FHOD3: variants seen among roughly 807,000 people sequenced by gnomAD.
FHOD3 encodes the protein formin homology 2 domain containing 3, also known as FH1/FH2 domain-containing protein 3.
FHOD3 carries 90 observed loss-of-function variants against 173.0 expected under a neutral mutation model. That is an observed-to-expected ratio of 0.52 (90% CI 0.44 to 0.62). The LOEUF (loss-of-function observed/expected upper bound fraction) is 0.62. Among genes scored for constraint, FHOD3 ranks in the 20% least tolerant of loss-of-function variants. FHOD3 has a pLI of 0.00. For missense variants in FHOD3, 1,945 were observed against 2,034.7 expected (o/e 0.96, Z 0.85); for synonymous variants, 828 against 823.0 (o/e 1.01, Z -0.10).
chr18:36,568,700 A>C (rs1353005598), intron 5 of FHOD3, among the ~76,000 whole-genome samples: 1 of 152,182 alleles, frequency 6.6e-6, no homozygotes, highest in East Asian at 1.9e-4. Flanking sequence ...TGTGACTCAA[A>C]CTGAACCAGG....
chr18:36,380,164 A>G (rs1447630944), intron 3 of FHOD3, among the ~76,000 whole-genome samples: 3 of 152,238 alleles, frequency 2.0e-5, no homozygotes, highest in African/African-American at 4.8e-5. Flanking sequence ...GAGAATTGTT[A>G]CAAGTGCTGT....
rs141911585 is a variant in FHOD3, at chr18:36,689,327, CCCA to C, written c.2021+2151_2021+2153del. 1.9e-3 allele frequency among the ~76,000 whole-genome samples: 291 copies of C among 152,264 alleles called. 2 individuals carry two copies. Among genetic ancestry groups the C allele is most frequent in the South Asian group, 6.6e-3 (32 of 4,824 alleles). ...ATAGAGCAATGTGTGTTTGTCAAGT[CCCA>C]CATCTCTTACCCTTAATGCAAGACT... On this transcript the variant is annotated intron_variant, in intron 16 of 28. Coordinates refer to ENST00000590592, the MANE Select transcript of FHOD3 (RefSeq NM_001281740.3).
chr18:36,752,177 T>C (rs914133402), intron 24 of FHOD3, among the ~76,000 whole-genome samples: 2 of 152,158 alleles, frequency 1.3e-5, no homozygotes, highest in African/African-American at 2.4e-5. Context: ...TATGATTCAA[T>C]TGTTTCCACC....
intron 3 of FHOD3, among the ~76,000 whole-genome samples, chr18:36,403,192 C>G (rs1393950279): frequency 6.6e-6 from 1 of 152,164 alleles, no homozygotes; most frequent in Non-Finnish European, 1.5e-5. Flanking sequence ...TCTCCTTCCT[C>G]TCTCCCCTAG....
At chr18:36,727,581 A>G (rs2041141439) in intron 19 of FHOD3, among the ~76,000 whole-genome samples, 1 of 152,194 alleles carries the variant, frequency 6.6e-6, no homozygotes, top group Non-Finnish European at 1.5e-5. Context: ...AATGTGCAGA[A>G]TCCTCTGTGG....
At chr18:36,323,726 C>T (rs1195472095) in intron 1 of FHOD3, among the ~76,000 whole-genome samples, 1 of 152,222 alleles carries the variant, frequency 6.6e-6, no homozygotes, top group East Asian at 1.9e-4. Flanking sequence ...ACCTCTTCTC[C>T]CCAGGCTTCA....
chr18:36,330,755 C>G (rs1217144682), intron 1 of FHOD3, among the ~76,000 whole-genome samples: 1 of 152,118 alleles, frequency 6.6e-6, no homozygotes, highest in Non-Finnish European at 1.5e-5. Context: ...CGGTCTTTTC[C>G]CAGGAGGAAG....
intron 2 of FHOD3, among the ~76,000 whole-genome samples, chr18:36,370,824 C>T (rs2047147423): frequency 1.3e-5 from 2 of 152,220 alleles, no homozygotes; most frequent in South Asian, 4.1e-4. Context: ...GGCAGGGGTT[C>T]ACTGATTTTC....
At chr18:36,337,263 A>G (rs1251398984) in intron 1 of FHOD3, among the ~76,000 whole-genome samples, 1 of 152,126 alleles carries the variant, frequency 6.6e-6, no homozygotes, top group Non-Finnish European at 1.5e-5. Flanking sequence ...CAGAGTCTGT[A>G]CTGACCATTT....
intron 16 of FHOD3, among the ~76,000 whole-genome samples, chr18:36,691,991 T>C (rs1309489534): frequency 6.6e-6 from 1 of 152,164 alleles, no homozygotes; most frequent in Non-Finnish European, 1.5e-5. Context: ...GGACTACATA[T>C]CCGACATGAG....
intron 3 of FHOD3, among the ~76,000 whole-genome samples, chr18:36,377,031 C>A (rs531858531): frequency 1.3e-5 from 2 of 152,296 alleles, no homozygotes; most frequent in East Asian, 3.9e-4. Flanking sequence ...AGGTGGTGTA[C>A]ATATGTGTGC....
At chr18:36,332,768 C>T (rs143282831) in intron 1 of FHOD3, among the ~76,000 whole-genome samples, 10 of 152,308 alleles carry the variant, frequency 6.6e-5, no homozygotes, top group Admixed American at 2.0e-4. Context: ...AGCGGTAAGG[C>T]GGTTGCCAGC....
At chr18:36,340,637 T>C (rs1283276138) in intron 1 of FHOD3, among the ~76,000 whole-genome samples, 13 of 84,964 alleles carry the variant, frequency 1.5e-4, no homozygotes, top group African/African-American at 3.6e-4. Flanking sequence ...TCTCCTTTTC[T>C]TTTTTTTTCT....
intron 3 of FHOD3, among the ~76,000 whole-genome samples, chr18:36,500,328 C>A (rs1599397293): frequency 6.6e-6 from 1 of 152,182 alleles, no homozygotes; most frequent in Non-Finnish European, 1.5e-5. Context: ...AAATCTCTCT[C>A]AGTGGGGGCC....
At chr18:36,368,878 A>AC (rs1179815338) in intron 2 of FHOD3, among the ~76,000 whole-genome samples, 2 of 151,636 alleles carry the variant, frequency 1.3e-5, no homozygotes, top group Non-Finnish European at 2.9e-5. Flanking sequence ...GGGGGAAACC[A>AC]CCCCCCTGAT....
intron 15 of FHOD3, among the ~76,000 whole-genome samples, chr18:36,684,675 A>G (rs958438096): frequency 2.6e-5 from 4 of 152,202 alleles, no homozygotes; most frequent in African/African-American, 9.7e-5. Context: ...ACTAAACACA[A>G]CAAACAAAAA....
rs116327863 is a variant in FHOD3, at chr18:36,662,539, T to C, written c.1835+4351T>C. Among the ~76,000 whole-genome samples the C allele has an allele frequency of 3.3e-3, 506 of 152,362 alleles. 3 individuals carry two copies. The highest frequency in any genetic ancestry group is 0.012 in the African/African-American group (482 of 41,590). On this transcript the variant is annotated intron_variant, in intron 14 of 28. Coordinates refer to ENST00000590592, the MANE Select transcript of FHOD3 (RefSeq NM_001281740.3). ...CTGACATGGCTGTTTTTCAGATTAATGTCAAGAGCCCTTAGAAGATCTTGG... is the reference window on the plus strand; with the variant it reads ...CTGACATGGCTGTTTTTCAGATTAACGTCAAGAGCCCTTAGAAGATCTTGG...
intron 10 of FHOD3, among the ~76,000 whole-genome samples, chr18:36,640,305 G>C (rs1289333302): frequency 5.3e-5 from 8 of 152,188 alleles, no homozygotes; most frequent in Admixed American, 5.2e-4. Context: ...TAAAAAACTT[G>C]ATGGCTAACA....
intron 3 of FHOD3, among the ~76,000 whole-genome samples, chr18:36,416,681 G>A (rs1044025971): frequency 5.9e-5 from 9 of 152,244 alleles, no homozygotes; most frequent in African/African-American, 2.2e-4. Flanking sequence ...TTGGACTTTT[G>A]CATCGCTCTC....
Sources: allele counts gnomAD v4.1 joint callset (sites outside exome capture counted in the v4.1 genomes callset), GRCh38; gene constraint gnomAD v4.1.1; transcripts MANE v1.5; gene names NCBI Gene and HGNC (gene_info 2026-07-23, HGNC 2026-07-21).